MVD: variants seen among roughly 807,000 people sequenced by gnomAD.
MVD encodes the protein mevalonate diphosphate decarboxylase.
Under a neutral mutation model 42.4 loss-of-function variants are expected in MVD, and 52 were observed. The ratio of observed to expected loss-of-function variants is 1.23; its 90% CI spans 0.98 to 1.55. The LOEUF (loss-of-function observed/expected upper bound fraction) is 1.55. Ranked by LOEUF, MVD falls within the 40% of genes most tolerant of loss-of-function variation. The pLI is 0.00. For synonymous variants in MVD, 287 were observed against 243.2 expected (o/e 1.18, Z -1.68); for missense variants, 663 against 572.1 (o/e 1.16, Z -1.62).
In MVD at chr16:88,663,024, C is replaced by T. The variant is rs920473859; in HGVS notation, c.57G>A (p.Ala19=). ...AVTCTAPVNI[A]VIKYWGKRDE... Reference sequence around the variant, plus strand: ...CGCGGCACTCACAGTACTTGATGACCGCGATGTTGACCGGCGCTGTACAAG... The same window carrying T: ...CGCGGCACTCACAGTACTTGATGACTGCGATGTTGACCGGCGCTGTACAAG... Residue 19 remains alanine, a synonymous_variant, in exon 1 of 10, where the codon GCG becomes GCA. Coordinates refer to ENST00000301012, the MANE Select transcript of MVD (RefSeq NM_002461.3). 3 of 1,607,674 alleles carry T rather than the reference C, an allele frequency of 1.9e-6. No homozygotes were observed. The highest frequency in any genetic ancestry group is 2.2e-5 in the East Asian group (1 of 44,600).
Position 88,657,949 on chromosome 16 carries a change from C to T in MVD, c.222G>A (p.Val74=), listed in dbSNP as rs1322820932. ...RIWLNGREED[V]GQPRLQACLR... is the part of the protein sequence containing the mutation. ...GGCAGGCCTGCAGCCGCGGCTGCCC[C>T]ACATCCTCCTCCCGGCCATTCAGCC... The change falls in exon 3 of 10, where the codon GTG becomes GTA. Residue 74 remains valine, a synonymous_variant. Coordinates refer to ENST00000301012, the MANE Select transcript of MVD (RefSeq NM_002461.3). 1.9e-6 allele frequency: 3 copies of T among 1,613,854 alleles called. No homozygotes were observed. The highest frequency in any genetic ancestry group is 2.2e-5 in the South Asian group (2 of 91,088).
intron 1 of MVD, among the ~76,000 whole-genome samples, chr16:88,659,761 T>A (rs1908173185): frequency 6.6e-6 from 1 of 151,196 alleles, no homozygotes; most frequent in Admixed American, 6.6e-5. Context: ...AGGTCGGGAG[T>A]TTGAGACCAA....
In MVD at chr16:88,656,061, C is replaced by T. The variant is rs781452640; in HGVS notation, c.603+44G>A. 3 of 1,546,946 alleles carry T rather than the reference C, an allele frequency of 1.9e-6. No individual in the cohort carries two copies. In the Admixed American group the frequency reaches 5.2e-5, roughly 27 times the overall value. ...TCCCGGCAGCAGCCCTGACTAGGGA[C>T]AGAGGCCACCGGGCTGCTGCTCCAC... On this transcript the variant is annotated intron_variant, in intron 5 of 9. Transcript: ENST00000301012.
Position 88,655,712 on chromosome 16 carries a change from G to C in MVD, c.622C>G (p.Leu208Val), listed in dbSNP as rs1333589726. The C allele has an allele frequency of 6.4e-7, 1 of 1,559,614 alleles. No individual in the cohort carries two copies. The highest frequency in any genetic ancestry group is 1.2e-5 in the South Asian group (1 of 84,708). ...CGCATGCCCACGGTACTGCCTGTCA[G>C]CTTCTTCTCAGCGCTCACCTGCACG... The part of the protein sequence containing the change: ...LILVVSAEKK[L>V]TGSTVGMRAS... Residue 208 changes from leucine to valine, a missense_variant, in exon 6 of 10, where the codon CTG (leucine) becomes GTG (valine). Leu to Val is a conservative substitution (Grantham distance 32, BLOSUM62 1). Transcript: ENST00000301012.
intron 1 of MVD, 98 bp downstream of exon 1, chr16:88,662,912 GA>G (rs1359550340): frequency 6.5e-7 from 1 of 1,527,262 alleles, no homozygotes; most frequent in East Asian, 2.6e-5. Context: ...GAGGCCCTGG[GA>G]GGGCAGGACG....
chr16:88,654,703 C>A lies in MVD; in HGVS notation c.1002G>T (p.Ser334=), dbSNP rs34657446. The A allele has an allele frequency of 1.6e-5, 25 of 1,598,396 alleles. No homozygotes were observed. Among genetic ancestry groups the A allele is most frequent in the Non-Finnish European group, 2.0e-5 (24 of 1,175,264 alleles). The change falls in exon 8 of 10, where the codon TCG becomes TCT. Residue 334 remains serine (S), a synonymous_variant. Transcript: ENST00000301012. ...GGGTCCACACTCACGTGTCTCCATT[C>A]GAGCCTGGGGGAAAGCCGTGCCACA... ...AAVWHGFPPG[S]NGDTFLKGLQ...
At chr16:88,653,908 G>A (rs1907738478) in intron 8 of MVD, among the ~76,000 whole-genome samples, 1 of 152,064 alleles carries the variant, frequency 6.6e-6, no homozygotes, top group Non-Finnish European at 1.5e-5. Flanking sequence ...CACCCCACAG[G>A]GCAGGCCCCT....
chr16:88,657,919 C>G lies in MVD; in HGVS notation c.252G>C (p.Arg84=). The G allele has an allele frequency of 4.3e-6, 7 of 1,613,498 alleles. No homozygotes were observed. The highest frequency in any genetic ancestry group is 5.9e-6 in the Non-Finnish European group (7 of 1,179,968). Residue 84 remains arginine (R), a synonymous_variant, in exon 3 of 10, where the codon CGG becomes CGC. Coordinates refer to ENST00000301012, the MANE Select transcript of MVD (RefSeq NM_002461.3). ...CTTATGGGGACCCCAGCTCACTCTC[C>G]CGCAGGCAGGCCTGCAGCCGCGGCT... ...VGQPRLQACL[R]EIRCLARKRR... is the part of the protein sequence containing the mutation.
At position 88,655,739 on chromosome 16, in the gene MVD, G is replaced by T. The variant is rs201322709; in HGVS notation, c.604-9C>A. ...TTCTTCTCAGCGCTCACCTGCACGAGGGAGAGACAGCCTGGGCCACACCCT... is the reference window on the plus strand; with the variant it reads ...TTCTTCTCAGCGCTCACCTGCACGATGGAGAGACAGCCTGGGCCACACCCT... On this transcript the variant is annotated splice_polypyrimidine_tract_variant and intron_variant, in intron 5 of 9. Transcript: ENST00000301012. 6.4e-7 allele frequency: 1 copy of T among 1,553,442 alleles called. No homozygotes were observed. Among genetic ancestry groups the T allele is most frequent in the Non-Finnish European group, 8.7e-7 (1 of 1,148,964 alleles).
At position 88,652,058 on chromosome 16, in the gene MVD, G is replaced by T. The variant is rs1316271213; in HGVS notation, c.*467C>A. On this transcript the variant is annotated 3_prime_UTR_variant, in exon 10 of 10. Coordinates refer to ENST00000301012, the MANE Select transcript of MVD (RefSeq NM_002461.3). ...ACCCTCCGAGACACCTGGGCCGGGG[G>T]CAGGGTCTCAGCAGAAGCGCCGTGG... The T allele has an allele frequency of 5.0e-6, 1 of 198,220 alleles. No individual in the cohort carries two copies. Among genetic ancestry groups the T allele is most frequent in the Non-Finnish European group, 1.1e-5 (1 of 93,840 alleles). The allele number at this position is 198,220 out of a possible 1,614,324, so 12.3% of individuals were successfully genotyped here.
intron 4 of MVD, chr16:88,656,806 A>T (rs577256223): frequency 4.7e-4 from 118 of 249,720 alleles, no homozygotes; most frequent in African/African-American, 2.6e-3. Flanking sequence ...CTGGTCACCG[A>T]GGGTGGTTCA....
In MVD at chr16:88,656,132, C is replaced by T. The variant is rs1386943872; in HGVS notation, c.576G>A (p.Trp192Ter). 6.2e-7 allele frequency: 1 copy of T among 1,601,900 alleles called. No homozygotes were observed. Among genetic ancestry groups the T allele is most frequent in the Admixed American group, 1.7e-5 (1 of 60,028 alleles). ...CAAGGATGAGCACGCGGAGTTCAGG[C>T]CAGTGTGACTCGGGGGCCACTTGCC... ...IARQVAPESH[W>*]PELRVLILVV... The change falls in exon 5 of 10, where the codon TGG becomes TGA. Residue 192 changes from tryptophan to a stop codon, truncating the protein, a stop_gained. Coordinates refer to ENST00000301012, the MANE Select transcript of MVD (RefSeq NM_002461.3). LOFTEE classifies it high-confidence loss of function.
rs978879057 is a variant in MVD, at chr16:88,652,215, G to T, written c.*310C>A. 13 of 511,008 alleles carry T rather than the reference G, an allele frequency of 2.5e-5. No homozygotes were observed. The highest frequency in any genetic ancestry group is 2.3e-4 in the African/African-American group (12 of 51,566). 31.7% of individuals were successfully genotyped at this position (511,008 alleles called of 1,614,324 possible). ...CTCCTTTCTCAGAGAACTGGGCATAGCCAGAGCTGGGGTGAGAAAGCCCTT... is the reference window on the plus strand; with the variant it reads ...CTCCTTTCTCAGAGAACTGGGCATATCCAGAGCTGGGGTGAGAAAGCCCTT... On this transcript the variant is annotated 3_prime_UTR_variant, in exon 10 of 10. Coordinates refer to ENST00000301012, the MANE Select transcript of MVD (RefSeq NM_002461.3).
chr16:88,653,323 C>T lies in MVD; in HGVS notation c.1099G>A (p.Val367Ile), dbSNP rs1907697366. The T allele has an allele frequency of 6.2e-7, 1 of 1,600,216 alleles. No homozygotes were observed. The highest frequency in any genetic ancestry group is 8.5e-7 in the Non-Finnish European group (1 of 1,176,234). Residue 367 changes from valine to isoleucine, a missense_variant, in exon 9 of 10, where the codon GTC (valine) becomes ATC (isoleucine). Coordinates refer to ENST00000301012, the MANE Select transcript of MVD (RefSeq NM_002461.3). ...ALAMEPTPGG[V>I]KYIIVTQVGP... is the part of the protein sequence containing the mutation. Reference sequence around the variant, plus strand: ...ACCTGAGTGACAATGATGTATTTGACCCCACCGGGGGTCGGCTCCATGGCC... The same window carrying T: ...ACCTGAGTGACAATGATGTATTTGATCCCACCGGGGGTCGGCTCCATGGCC...
At chr16:88,655,783 G>C in intron 5 of MVD, 53 bp from the exon 6 acceptor site, 20 of 1,537,934 alleles carry the variant, frequency 1.3e-5, no homozygotes, top group Non-Finnish European at 1.7e-5. Flanking sequence ...CCAGCCCCAA[G>C]GACCTCAGCC....
In MVD at chr16:88,656,057, G is replaced by C. The variant is rs116111606; in HGVS notation, c.603+48C>G. ...CTGCTCCCGGCAGCAGCCCTGACTAGGGACAGAGGCCACCGGGCTGCTGCT... is the reference window on the plus strand; with the variant it reads ...CTGCTCCCGGCAGCAGCCCTGACTACGGACAGAGGCCACCGGGCTGCTGCT... On this transcript the variant is annotated intron_variant, in intron 5 of 9. Coordinates refer to ENST00000301012, the MANE Select transcript of MVD (RefSeq NM_002461.3). 5.1e-4 allele frequency: 791 copies of C among 1,539,330 alleles called. 5 individuals are homozygous for C. The African/African-American group carries it at 9.8e-3, about 19-fold the overall frequency.
At chr16:88,662,662 C>T (rs550269660) in intron 1 of MVD, 5 of 1,285,390 alleles carry the variant, frequency 3.9e-6, no homozygotes, top group East Asian at 5.3e-5. Context: ...CCGCCTCAGC[C>T]TCCCGAGTAG....
chr16:88,652,566 G>A lies in MVD; in HGVS notation c.1162C>T (p.His388Tyr), dbSNP rs868381895. Residue 388 changes from histidine to tyrosine, a missense_variant, in exon 10 of 10, where the codon CAC (histidine) becomes TAC (tyrosine). Transcript: ENST00000301012. ...GGCAGGCCGTCAGGACCCAGGAGGT[G>A]GGCGCAGGGGTCATCCAGGATTTGA... ...GPQILDDPCA[H>Y]LLGPDGLPKP... 2 of 1,570,884 alleles carry A rather than the reference G, an allele frequency of 1.3e-6. No homozygotes were observed. Among genetic ancestry groups the A allele is most frequent in the South Asian group, 1.2e-5 (1 of 85,584 alleles).
intron 4 of MVD, chr16:88,657,130 T>TGGG (rs9302778): frequency 1.5e-4 from 71 of 460,676 alleles, no homozygotes; most frequent in Middle Eastern, 4.3e-4. Flanking sequence ...TTTGTAGAGA[T>TGGG]GGGGGGGGGT....
Sources: gnomAD v4.1 joint callset for allele counts (sites outside exome capture counted in the v4.1 genomes callset) on GRCh38, gnomAD v4.1.1 for gene constraint, MANE v1.5 for transcripts, NCBI Gene and HGNC (gene_info 2026-07-23, HGNC 2026-07-21) for gene names.